The following SEC14L5 variants were observed in gnomAD, a reference collection of about 807,000 sequenced individuals.
SEC14L5 encodes the protein SEC14-like protein 5.
SEC14L5 carries 96 observed loss-of-function variants against 84.6 expected under a neutral mutation model. The ratio of observed to expected loss-of-function variants is 1.13; its 90% CI spans 0.96 to 1.34. The LOEUF (loss-of-function observed/expected upper bound fraction) is 1.34, where lower values mean the gene tolerates loss of function less well. SEC14L5 is among the 40% of genes most tolerant of loss of function. SEC14L5 has a pLI of 0.00. For missense variants in SEC14L5, 1,224 were observed against 942.5 expected, an observed-to-expected ratio of 1.30 and a Z score of -3.91; for synonymous variants, 546 against 383.4, an observed-to-expected ratio of 1.42 and a Z score of -4.95.
At chr16:5,006,491 G>A (rs995326667) in intron 12 of SEC14L5, among the ~76,000 whole-genome samples, 1 of 152,138 alleles carries the variant, frequency 6.6e-6, no homozygotes. Context: ...GAAACGATCA[G>A]GAACCCCCTT....
At position 4,978,752 on chromosome 16, in the gene SEC14L5, G is replaced by A. The variant is rs948216540; in HGVS notation, c.64-8805G>A. Among the ~76,000 whole-genome samples the A allele has an allele frequency of 4.0e-5, 6 of 150,980 alleles. No individual in the cohort carries two copies. In the South Asian group the frequency reaches 1.3e-3, roughly 33 times the overall value. ...CGAGTAGCTGGAACTACAGGCGCCT[G>A]CCACCACGCTCGGCTAATCTTTTGT... On this transcript the variant is annotated intron_variant, in intron 2 of 15. Transcript: ENST00000251170.
chr16:4,976,132 C>G (rs116226075), intron 2 of SEC14L5, among the ~76,000 whole-genome samples: 1 of 152,164 alleles, frequency 6.6e-6, no homozygotes, highest in African/African-American at 2.4e-5. Context: ...GTAGAATGAA[C>G]CATGTGCCAG....
rs752986332 is a variant in SEC14L5 at position 5,003,550 on chromosome 16, G to C, written c.1279G>C (p.Val427Leu). The C allele has an allele frequency of 1.3e-6, 2 of 1,487,696 alleles. No homozygotes were observed. The highest frequency in any genetic ancestry group is 2.8e-5 in the East Asian group (1 of 35,232). 92.2% of individuals were successfully genotyped at this position (1,487,696 alleles called of 1,614,324 possible). A position where few individuals can be genotyped will look rare whatever the true frequency, so the allele number is the denominator to read the frequency against. The change falls in exon 11 of 16, where the codon GTC becomes CTC. Residue 427 changes from valine to leucine, a missense_variant. By Grantham distance (32) the Val-to-Leu change is conservative. Coordinates refer to ENST00000251170, the MANE Select transcript of SEC14L5 (RefSeq NM_014692.2). The stretch of plus-strand genomic sequence containing the variant: ...GCTGCTCATCGTGCGAGCCCCCCGA[G>C]TCTTCCCCGTGCTCTGGACACTGGT... Reference protein sequence around the residue: ...GRLLIVRAPRVFPVLWTLISP... With the variant: ...GRLLIVRAPRLFPVLWTLISP...
Position 5,001,466 on chromosome 16 carries a change from A to G in SEC14L5, c.1130+541A>G, listed in dbSNP as rs549347157. On this transcript the variant is annotated intron_variant, in intron 10 of 15. Coordinates refer to ENST00000251170, the MANE Select transcript of SEC14L5 (RefSeq NM_014692.2). The stretch of plus-strand genomic sequence containing the variant: ...AGTAGAGACAGGGTTTCACTGTGTT[A>G]GCCAGAATGGTCTCGGTCTCCTGAC... 2.0e-5 allele frequency among the ~76,000 whole-genome samples: 3 copies of G among 152,068 alleles called. No individual in the cohort carries two copies. In the East Asian group the frequency reaches 5.8e-4, roughly 30 times the overall value.
At chr16:5,007,028 C>G (rs546702607) in intron 12 of SEC14L5, among the ~76,000 whole-genome samples, 1 of 152,070 alleles carries the variant, frequency 6.6e-6, no homozygotes, top group Non-Finnish European at 1.5e-5. Flanking sequence ...GCTGTCAGTC[C>G]GGCACCGGGG....
rs1955091477 is a variant in SEC14L5, at chr16:4,959,376, T to G, written c.53T>G (p.Leu18Arg). 8 of 1,613,870 alleles carry G rather than the reference T, an allele frequency of 5.0e-6. No homozygotes were observed. Among genetic ancestry groups the G allele is most frequent in the Non-Finnish European group, 6.8e-6 (8 of 1,179,744 alleles). ...PVRVYKYPFE[L>R]VMAAYEKRFP... Reference sequence around the variant, plus strand: ...CGAGTCTACAAGTACCCGTTTGAGCTGGTCATGGCGGTGAGTGACTCCTGA... The same window carrying G: ...CGAGTCTACAAGTACCCGTTTGAGCGGGTCATGGCGGTGAGTGACTCCTGA... Residue 18 changes from leucine (L) to arginine (R), a missense_variant, in exon 2 of 16, where the codon CTG becomes CGG. By Grantham distance (102) the Leu-to-Arg change is moderately radical. Coordinates refer to ENST00000251170, the MANE Select transcript of SEC14L5 (RefSeq NM_014692.2).
At chr16:4,990,621 G>T (rs950958822) in intron 4 of SEC14L5, 146 bp from the exon 5 acceptor site, 1 of 655,626 alleles carries the variant, frequency 1.5e-6, no homozygotes, top group Non-Finnish European at 2.4e-6. Flanking sequence ...GGGGCCCCTT[G>T]GTCCTGCTAC....
intron 6 of SEC14L5, among the ~76,000 whole-genome samples, chr16:4,994,947 C>T (rs1003575533): frequency 3.9e-5 from 6 of 152,118 alleles, no homozygotes; most frequent in South Asian, 2.1e-4. Context: ...CTGGGAGCTC[C>T]GGCCTCTCTC....
intron 2 of SEC14L5, among the ~76,000 whole-genome samples, chr16:4,981,300 T>C (rs1380022157): frequency 8.3e-6 from 1 of 120,076 alleles, no homozygotes; most frequent in Non-Finnish European, 1.7e-5. Context: ...TTAGAAGAGA[T>C]GGGGTTTCAC....
chr16:5,011,238 C>G lies in SEC14L5; in HGVS notation c.1944C>G (p.Leu648=), dbSNP rs1431509526. ...LHSPGPKCKL[L]YYCEVLASED... ...GCCCCGGGCCCAAGTGCAAACTTCT[C>G]TACTACTGTGAGGTGCTCGCCTCTG... Residue 648 remains leucine, a synonymous_variant, in exon 15 of 16, where the codon CTC becomes CTG. Transcript: ENST00000251170. 2 of 1,613,784 alleles carry G rather than the reference C, an allele frequency of 1.2e-6. No homozygotes were observed. The highest frequency in any genetic ancestry group is 1.3e-5 in the African/African-American group (1 of 74,928).
At chr16:4,990,994 G>A (rs1407602058) in intron 5 of SEC14L5, 99 bp downstream of exon 5, 4 of 998,220 alleles carry the variant, frequency 4.0e-6, no homozygotes, top group Non-Finnish European at 5.7e-6. Context: ...CCCTTCCTGG[G>A]CTCAGTGTTA....
Position 5,018,410 on chromosome 16 carries a change from T to C in SEC14L5, c.*3440T>C, listed in dbSNP as rs2270259. The stretch of plus-strand genomic sequence containing the variant: ...GGCGGGGCGTGGTGGCTCATGCCTA[T>C]AATCCCAACACTTTGGGAGGCTGAG... On this transcript the variant is annotated 3_prime_UTR_variant, in exon 16 of 16. Transcript: ENST00000251170. 0.19 allele frequency: 28,251 copies of C among 152,284 alleles called. 3,311 individuals carry two copies. Among genetic ancestry groups the C allele is most frequent in the Non-Finnish European group, 0.26 (17,525 of 68,044 alleles). 9.4% of individuals were successfully genotyped at this position (152,284 alleles called of 1,614,324 possible).
intron 10 of SEC14L5, among the ~76,000 whole-genome samples, chr16:5,001,616 G>A (rs1373978043): frequency 1.3e-5 from 2 of 152,106 alleles, no homozygotes; most frequent in Admixed American, 1.3e-4. Context: ...CTCTGTCATG[G>A]CACATCCAGG....
rs769691768 is a variant in SEC14L5 at position 5,000,573 on chromosome 16, C to T, written c.971-82C>T. ...GGTTGCAGCCTGAGGAGGTGAAGCT[C>T]TCACCTGCAGCTGTGACCTGCCCCT... On this transcript the variant is annotated intron_variant, in intron 8 of 15. Transcript: ENST00000251170. 2.3e-4 allele frequency: 245 copies of T among 1,064,184 alleles called. 1 individual carries two copies. Among genetic ancestry groups the T allele is most frequent in the Admixed American group, 4.4e-4 (21 of 47,368 alleles). 65.9% of individuals were successfully genotyped at this position (1,064,184 alleles called of 1,614,324 possible).
chr16:4,978,088 C>A (rs896677166), intron 2 of SEC14L5, among the ~76,000 whole-genome samples: 1 of 147,540 alleles, frequency 6.8e-6, no homozygotes, highest in Non-Finnish European at 1.5e-5. Context: ...AGGTGTGAGC[C>A]ACTGTGCACA....
At position 5,008,138 on chromosome 16, in the gene SEC14L5, A is replaced by G. The variant is rs554890691; in HGVS notation, c.1573-283A>G. Among the ~76,000 whole-genome samples the G allele has an allele frequency of 8.7e-4, 130 of 150,258 alleles. 2 individuals carry two copies. Among genetic ancestry groups the G allele is most frequent in the Admixed American group, 3.3e-4 (5 of 15,062 alleles). ...ACCATGTTGGCCAGACTGGTCTCGA[A>G]CTCCTGACCTCAAGTGATCCACCCA... On this transcript the variant is annotated intron_variant, in intron 13 of 15. Coordinates refer to ENST00000251170, the MANE Select transcript of SEC14L5 (RefSeq NM_014692.2).
At chr16:4,989,752 C>G (rs747991977) in intron 4 of SEC14L5, among the ~76,000 whole-genome samples, 1 of 152,176 alleles carries the variant, frequency 6.6e-6, no homozygotes, top group Non-Finnish European at 1.5e-5. Flanking sequence ...GTTGTTGAAA[C>G]CCCTCTTAGT....
intron 6 of SEC14L5, among the ~76,000 whole-genome samples, chr16:4,995,375 C>A (rs548809104): frequency 2.0e-5 from 3 of 152,280 alleles, no homozygotes; most frequent in South Asian, 2.1e-4. Flanking sequence ...TTGTGGGGGA[C>A]AAGGCTGCAC....
chr16:5,013,609 A>G (rs1449903399), intron 15 of SEC14L5, among the ~76,000 whole-genome samples: 1 of 119,476 alleles, frequency 8.4e-6, no homozygotes, highest in Non-Finnish European at 1.6e-5. Flanking sequence ...CCCAGGCTGG[A>G]GTACAGTGGC....
Sources: allele counts gnomAD v4.1 joint callset (sites outside exome capture counted in the v4.1 genomes callset), GRCh38; gene constraint gnomAD v4.1.1; transcripts MANE v1.5; gene names NCBI Gene and HGNC (gene_info 2026-07-23, HGNC 2026-07-21).